Variants in MAP3K4 observed in about 807,000 individuals in gnomAD.
The protein encoded by MAP3K4 is mitogen-activated protein kinase kinase kinase 4.
Under a neutral mutation model 185.6 loss-of-function variants are expected in MAP3K4, and 67 were observed. The observed-to-expected ratio is 0.36, with a 90% confidence interval of 0.30 to 0.44. The LOEUF is 0.44. MAP3K4 is among the 20% of genes least tolerant of loss of function. The pLI, the probability that MAP3K4 is intolerant of heterozygous loss-of-function variation, is 1.00. For synonymous variants in MAP3K4, 702 were observed against 710.4 expected (o/e 0.99, Z 0.19); for missense variants, 1,551 against 1,995.1 (o/e 0.78, Z 4.24).
At position 161,075,152 on chromosome 6, in the gene MAP3K4, T is replaced by C. The variant is rs1301424005; in HGVS notation, c.2097+1540T>C. Among the ~76,000 whole-genome samples, 1 of 152,226 alleles carries C rather than the reference T, an allele frequency of 6.6e-6. No homozygotes were observed. The highest frequency in any genetic ancestry group is 1.5e-5 in the Non-Finnish European group (1 of 68,042). ...GTAAAATGGCTGTATTTTGAAATAC[T>C]ATGTATTTATTTTCTTTTTTGAGAT... On this transcript the variant is annotated intron_variant, in intron 5 of 26. Coordinates refer to ENST00000392142, the MANE Select transcript of MAP3K4 (RefSeq NM_005922.4). The surrounding 1 kb of genome is among the most constrained non-coding windows in gnomAD (Gnocchi z 4.3).
chr6:161,099,105 G>T (rs1777715087), intron 17 of MAP3K4, among the ~76,000 whole-genome samples: 2 of 152,200 alleles, frequency 1.3e-5, no homozygotes. Flanking sequence ...AAGAGCTGTT[G>T]TTCTCTCTCA....
intron 2 of MAP3K4, among the ~76,000 whole-genome samples, chr6:161,044,930 C>T (rs777049007): frequency 1.3e-5 from 2 of 152,112 alleles, no homozygotes; most frequent in Non-Finnish European, 2.9e-5. Flanking sequence ...GAATCTGCCC[C>T]CATGACCCAG....
chr6:161,065,925 A>C (rs12212316), intron 3 of MAP3K4, among the ~76,000 whole-genome samples: 79,448 of 123,506 alleles, frequency 0.64, 26,615 homozygotes, highest in Non-Finnish European at 0.73. Context: ...GCAAAAGAGC[A>C]AGACTCCGTC....
intron 1 of MAP3K4, among the ~76,000 whole-genome samples, chr6:161,014,826 A>G (rs1457135357): frequency 1.3e-5 from 2 of 151,938 alleles, no homozygotes. Flanking sequence ...TCACAGATAT[A>G]TGCAACCATT....
chr6:160,998,316 C>T (rs973732534), intron 1 of MAP3K4, among the ~76,000 whole-genome samples: 2 of 152,054 alleles, frequency 1.3e-5, no homozygotes, highest in African/African-American at 4.8e-5. Flanking sequence ...AAAGTATGTG[C>T]ATAGAAAAAA....
Position 161,108,690 on chromosome 6 carries a change from A to C in MAP3K4, c.4120-53A>C. ...AATGATGTTTCAGTGTATGTGTATA[A>C]TGTAGAGTGATTAAATCAAGCCAGT... On this transcript the variant is annotated intron_variant, in intron 21 of 26. Coordinates refer to ENST00000392142, the MANE Select transcript of MAP3K4 (RefSeq NM_005922.4). This position sits in a 1 kb window ranked among gnomAD's most constrained non-coding sequence, Gnocchi z 5.7. The C allele has an allele frequency of 1.0e-6, 1 of 975,170 alleles. No homozygotes were observed. The highest frequency in any genetic ancestry group is 1.3e-5 in the South Asian group (1 of 77,902). 60.4% of individuals were successfully genotyped at this position (975,170 alleles called of 1,614,324 possible). A position where few individuals can be genotyped will look rare whatever the true frequency, so the allele number is the denominator to read the frequency against.
Position 161,115,020 on chromosome 6 carries a change from CT to C in MAP3K4, c.4627-102del, listed in dbSNP as rs1778530711. ...CCTTTCAGTAAAAATTTGCTGTCCC[CT>C]GATATATATTAATGATGAGATGCTT... On this transcript the variant is annotated intron_variant, in intron 25 of 26. Transcript: ENST00000392142. This position sits in a 1 kb window ranked among gnomAD's most constrained non-coding sequence, Gnocchi z 6.0. 3.8e-6 allele frequency: 4 copies of C among 1,056,524 alleles called. No individual in the cohort carries two copies. In the African/African-American group the frequency reaches 6.4e-5, roughly 17 times the overall value. 65.4% of individuals were successfully genotyped at this position (1,056,524 alleles called of 1,614,324 possible).
intron 2 of MAP3K4, among the ~76,000 whole-genome samples, chr6:161,041,912 C>CTTTTTTTTTT (rs1184107037): frequency 1.6e-4 from 10 of 64,048 alleles, no homozygotes; most frequent in African/African-American, 4.4e-4. Context: ...GTTATTGTTT[C>CTTTTTTTTTT]TTTTTTTTTT....
chr6:161,084,244 GCTA>G lies in MAP3K4; in HGVS notation c.2256-253_2256-251del. 6.6e-6 allele frequency among the ~76,000 whole-genome samples: 1 copy of G among 152,184 alleles called. No homozygotes were observed. The highest frequency in any genetic ancestry group is 2.1e-4 in the South Asian group (1 of 4,828). ...ATAACATTTGTGTACTAATTCCATA[GCTA>G]CTATGAATACAGTTTAAGATTTTAA... On this transcript the variant is annotated intron_variant, in intron 6 of 26. Transcript: ENST00000392142. This position sits in a 1 kb window ranked among gnomAD's most constrained non-coding sequence, Gnocchi z 4.6.
At chr6:161,045,000 AG>A (rs1470571385) in intron 2 of MAP3K4, among the ~76,000 whole-genome samples, 3 of 152,088 alleles carry the variant, frequency 2.0e-5, no homozygotes, top group Non-Finnish European at 4.4e-5. Flanking sequence ...TGAGATTTGG[AG>A]GGGGCAAATA....
chr6:161,111,196 G>A (rs1000004389), intron 23 of MAP3K4, among the ~76,000 whole-genome samples: 2 of 152,148 alleles, frequency 1.3e-5, no homozygotes, highest in Non-Finnish European at 1.5e-5. Context: ...GTTGCTTTTC[G>A]AAGGAGGTAC....
Position 161,073,439 on chromosome 6 carries a change from C to A in MAP3K4, c.1951-27C>A. On this transcript the variant is annotated intron_variant, in intron 4 of 26. Transcript: ENST00000392142. This position sits in a 1 kb window ranked among gnomAD's most constrained non-coding sequence, Gnocchi z 4.2. ...ATCGTCTGGTTGGAGTTTATGGCTG[C>A]TGGAACCTGTGTGTGTTGTTTTGCA... is the stretch of plus-strand genomic sequence containing the variant. 6.5e-7 allele frequency: 1 copy of A among 1,543,508 alleles called. No individual in the cohort carries two copies. Among genetic ancestry groups the A allele is most frequent in the Non-Finnish European group, 8.7e-7 (1 of 1,143,928 alleles).
chr6:161,077,573 G>A lies in MAP3K4; in HGVS notation c.2098-3308G>A, dbSNP rs1431623783. ...GTGGAGAGTAGGCTGGGGGTCCAGAGCAGATGTGAGAGGAACAGTTCAAGG... is the reference window on the plus strand; with the variant it reads ...GTGGAGAGTAGGCTGGGGGTCCAGAACAGATGTGAGAGGAACAGTTCAAGG... On this transcript the variant is annotated intron_variant, in intron 5 of 26. Coordinates refer to ENST00000392142, the MANE Select transcript of MAP3K4 (RefSeq NM_005922.4). This position sits in a 1 kb window ranked among gnomAD's most constrained non-coding sequence, Gnocchi z 4.3. Among the ~76,000 whole-genome samples the A allele has an allele frequency of 6.6e-6, 1 of 152,218 alleles. No homozygotes were observed. The highest frequency in any genetic ancestry group is 1.5e-5 in the Non-Finnish European group (1 of 68,038).
Position 161,082,912 on chromosome 6 carries a change from A to G in MAP3K4, c.2256-1589A>G, listed in dbSNP as rs533794804. ...TATGTCAGACCATTGTCTTCTCTCA[A>G]TTTCCCAGTGGCTCCCCATCTTACT... On this transcript the variant is annotated intron_variant, in intron 6 of 26. Transcript: ENST00000392142. The surrounding 1 kb of genome is among the most constrained non-coding windows in gnomAD (Gnocchi z 4.2). Among the ~76,000 whole-genome samples the G allele has an allele frequency of 1.5e-4, 23 of 152,270 alleles. No homozygotes were observed. In the East Asian group the frequency reaches 1.5e-3, roughly 10 times the overall value.
In MAP3K4 at chr6:161,109,731, A is replaced by T. The variant is rs374919436; in HGVS notation, c.4237-24A>T. ...CATCTAAGGAAAACCGTAAACACAG[A>T]GCTGCCCTTTATTCCTCCCACAGGA... On this transcript the variant is annotated intron_variant, in intron 22 of 26. Transcript: ENST00000392142. The surrounding 1 kb of genome is among the most constrained non-coding windows in gnomAD (Gnocchi z 5.7). 1 of 1,613,928 alleles carries T rather than the reference A, an allele frequency of 6.2e-7. No homozygotes were observed. The highest frequency in any genetic ancestry group is 1.1e-5 in the South Asian group (1 of 91,066).
rs564846509 is a variant in MAP3K4 at position 161,064,056 on chromosome 6, C to A, written c.1708-6552C>A. Among the ~76,000 whole-genome samples the A allele has an allele frequency of 6.6e-6, 1 of 151,992 alleles. No individual in the cohort carries two copies. Among genetic ancestry groups the A allele is most frequent in the Non-Finnish European group, 1.5e-5 (1 of 68,012 alleles). On this transcript the variant is annotated intron_variant, in intron 3 of 26. Coordinates refer to ENST00000392142, the MANE Select transcript of MAP3K4 (RefSeq NM_005922.4). The surrounding 1 kb of genome is among the most constrained non-coding windows in gnomAD (Gnocchi z 4.3). ...TCATTGCTCCATTTTTATGAGAGGG[C>A]GTTGAAGGGAAATTGAAACCCTGTT...
intron 1 of MAP3K4, among the ~76,000 whole-genome samples, chr6:160,998,406 TAATC>T (rs1781105907): frequency 6.6e-6 from 1 of 152,228 alleles, no homozygotes; most frequent in African/African-American, 2.4e-5. Flanking sequence ...AATAAAAAGC[TAATC>T]AGAGAGCCTA....
chr6:161,009,613 A>G (rs1349610061), intron 1 of MAP3K4, among the ~76,000 whole-genome samples: 2 of 152,176 alleles, frequency 1.3e-5, no homozygotes, highest in Non-Finnish European at 2.9e-5. Flanking sequence ...GTGTGTACAT[A>G]TCACACTTCA....
intron 1 of MAP3K4, among the ~76,000 whole-genome samples, chr6:160,992,962 T>C (rs1012517652): frequency 7.2e-5 from 11 of 152,146 alleles, no homozygotes; most frequent in Non-Finnish European, 1.0e-4. Context: ...CCCTGTCCCC[T>C]GTAATGAAAA....
Sources: gnomAD v4.1 joint callset for allele counts (sites outside exome capture counted in the v4.1 genomes callset) on GRCh38, gnomAD v4.1.1 for gene constraint, Gnocchi (gnomAD v3.1) non-coding constraint, MANE v1.5 for transcripts, NCBI Gene and HGNC (gene_info 2026-07-23, HGNC 2026-07-21) for gene names.